The following ABRACL variants were observed in gnomAD, a reference collection of about 807,000 sequenced individuals.
The protein encoded by ABRACL is ABRA C-terminal like, also known as costars family protein ABRACL.
In ABRACL, 4 loss-of-function variants were observed where a neutral mutation model predicts 7.0. The observed-to-expected ratio is 0.57, with a 90% CI of 0.28 to 1.30. ABRACL has a LOEUF of 1.30. ABRACL is among the 50% of genes most tolerant of loss of function. ABRACL has a pLI of 0.10. For synonymous variants in ABRACL, 30 were observed against 36.0 expected, an observed-to-expected ratio of 0.83 and a Z score of 0.60; for missense variants, 104 against 97.3, an observed-to-expected ratio of 1.07 and a Z score of -0.29.
At chr6:139,035,719 G>T (rs1786145001) in intron 2 of ABRACL, among the ~76,000 whole-genome samples, 1 of 150,760 alleles carries the variant, frequency 6.6e-6, no homozygotes, top group African/African-American at 2.4e-5. Flanking sequence ...CTGACCTCAG[G>T]TGATCCACCT....
chr6:139,029,351 G>A (rs1006561606), intron 1 of ABRACL, among the ~76,000 whole-genome samples: 5 of 152,132 alleles, frequency 3.3e-5, no homozygotes, highest in Admixed American at 2.0e-4. Context: ...AGGGGGTGCA[G>A]AGTCGTGAGG....
chr6:139,039,100 T>C (rs1047386628), intron 2 of ABRACL, among the ~76,000 whole-genome samples: 1 of 151,974 alleles, frequency 6.6e-6, no homozygotes, highest in African/African-American at 2.4e-5. Context: ...GGCGGGTGCC[T>C]GTAATCCCAG....
chr6:139,036,734 A>C (rs1786162857), intron 2 of ABRACL, among the ~76,000 whole-genome samples: 1 of 152,204 alleles, frequency 6.6e-6, no homozygotes, highest in Non-Finnish European at 1.5e-5. Context: ...CTGTAATCCT[A>C]GCACATCAGG....
Position 139,034,179 on chromosome 6 carries a change from G to C in ABRACL, c.19G>C (p.Val7Leu). 6.2e-7 allele frequency: 1 copy of C among 1,614,236 alleles called. No homozygotes were observed. MNVDHE[V>L]NLLVEEIHRL... ...GGCAGCAATGAATGTGGATCACGAG[G>C]TTAACCTCTTAGTGGAGGAAATTCA... The change falls in exon 2 of 3, where the codon GTT becomes CTT. Residue 7 changes from valine to leucine, a missense_variant. Transcript: ENST00000367660.
chr6:139,041,322 T>C (rs1786239987), intron 2 of ABRACL, among the ~76,000 whole-genome samples: 1 of 150,966 alleles, frequency 6.6e-6, no homozygotes, highest in African/African-American at 2.4e-5. Context: ...TAGAGTGCAC[T>C]AGCACGATCA....
chr6:139,035,188 C>T (rs1435735628), intron 2 of ABRACL, among the ~76,000 whole-genome samples: 1 of 152,164 alleles, frequency 6.6e-6, no homozygotes, highest in Non-Finnish European at 1.5e-5. Flanking sequence ...TATCAAATGT[C>T]CCCTGCAGTG....
At chr6:139,034,068 C>T in intron 1 of ABRACL, 87 bp from the exon 2 acceptor site, 1 of 1,544,974 alleles carries the variant, frequency 6.5e-7, no homozygotes, top group Non-Finnish European at 8.9e-7. Flanking sequence ...ACAGACGCGA[C>T]CTGAACAAGA....
At chr6:139,029,163 T>A (rs903534834) in intron 1 of ABRACL, among the ~76,000 whole-genome samples, 1 of 152,012 alleles carries the variant, frequency 6.6e-6, no homozygotes, top group Admixed American at 6.5e-5. Flanking sequence ...ATGGAACGAT[T>A]TTTACCGCGG....
At chr6:139,033,034 T>G (rs144955839) in intron 1 of ABRACL, among the ~76,000 whole-genome samples, 2 of 152,320 alleles carry the variant, frequency 1.3e-5, no homozygotes, top group Non-Finnish European at 2.9e-5. Flanking sequence ...AGGGAGGTGC[T>G]CCTCCTCCAC....
At chr6:139,033,423 C>T (rs1326990750) in intron 1 of ABRACL, among the ~76,000 whole-genome samples, 1 of 152,230 alleles carries the variant, frequency 6.6e-6, no homozygotes, top group East Asian at 1.9e-4. Flanking sequence ...ACTGGATTGA[C>T]CGGATGGTAT....
intron 2 of ABRACL, among the ~76,000 whole-genome samples, chr6:139,041,451 C>A (rs6905259): frequency 0.11 from 12,326 of 109,550 alleles, 853 homozygotes; most frequent in African/African-American, 0.2. Flanking sequence ...CTCTCTCTCT[C>A]TATATATATA....
At position 139,042,711 on chromosome 6, in the gene ABRACL, C is replaced by G. The variant is rs775507498; in HGVS notation, c.62-8C>G. On this transcript the variant is annotated splice_polypyrimidine_tract_variant and splice_region_variant and intron_variant, in intron 2 of 2. Coordinates refer to ENST00000367660, the MANE Select transcript of ABRACL (RefSeq NM_021243.3). ...TGCATTTGCTAACAATGTATTTTCT[C>G]AAACTAGATGCTGATGGAAAGTTAA... is the stretch of plus-strand genomic sequence containing the variant. 2.5e-6 allele frequency: 4 copies of G among 1,605,144 alleles called. No individual in the cohort carries two copies. The East Asian group carries it at 9.0e-5, about 36-fold the overall frequency.
intron 1 of ABRACL, among the ~76,000 whole-genome samples, chr6:139,029,145 C>A (rs896276210): frequency 1.3e-5 from 2 of 152,108 alleles, no homozygotes; most frequent in Admixed American, 6.5e-5. Context: ...ACTGGGAAGC[C>A]GGCAGAAATG....
chr6:139,039,304 A>G (rs1050657200), intron 2 of ABRACL, among the ~76,000 whole-genome samples: 5 of 152,200 alleles, frequency 3.3e-5, no homozygotes, highest in African/African-American at 1.2e-4. Context: ...CAGTTTAATT[A>G]TAATATAAAA....
chr6:139,040,234 G>A (rs1432201835), intron 2 of ABRACL, among the ~76,000 whole-genome samples: 1 of 152,174 alleles, frequency 6.6e-6, no homozygotes, highest in African/African-American at 2.4e-5. Flanking sequence ...AAGGAGGCTG[G>A]TACAGAGTTC....
intron 1 of ABRACL, among the ~76,000 whole-genome samples, chr6:139,033,260 C>T (rs866509587): frequency 1.3e-5 from 2 of 152,204 alleles, no homozygotes; most frequent in East Asian, 1.9e-4. Flanking sequence ...GGACCCAGCT[C>T]GTGGAGGACT....
At chr6:139,035,489 CTT>C (rs11427534) in intron 2 of ABRACL, among the ~76,000 whole-genome samples, 1 of 149,338 alleles carries the variant, frequency 6.7e-6, no homozygotes, top group Non-Finnish European at 1.5e-5. Flanking sequence ...ACTTTTAATT[CTT>C]TTTTTTTTCG....
At chr6:139,036,429 T>G (rs1341315670) in intron 2 of ABRACL, among the ~76,000 whole-genome samples, 1 of 152,150 alleles carries the variant, frequency 6.6e-6, no homozygotes, top group African/African-American at 2.4e-5. Flanking sequence ...CTTCCTACTA[T>G]TCCCTCTTTT....
chr6:139,031,902 TG>T lies in ABRACL; in HGVS notation c.-6-2250del, dbSNP rs539063165. 5.9e-5 allele frequency among the ~76,000 whole-genome samples: 9 copies of T among 151,700 alleles called. No individual in the cohort carries two copies. The South Asian group carries it at 1.9e-3, about 32-fold the overall frequency. Reference sequence around the variant, plus strand: ...AGACTGCTGGTGCCAGAATGGGAAATGGGTGCTGGGCAGACAAAACAACAGT... The same window carrying T: ...AGACTGCTGGTGCCAGAATGGGAAATGGTGCTGGGCAGACAAAACAACAGT... On this transcript the variant is annotated intron_variant, in intron 1 of 2. Coordinates refer to ENST00000367660, the MANE Select transcript of ABRACL (RefSeq NM_021243.3).
Sources: allele counts gnomAD v4.1 joint callset (sites outside exome capture counted in the v4.1 genomes callset), GRCh38; gene constraint gnomAD v4.1.1; transcripts MANE v1.5; gene names NCBI Gene and HGNC (gene_info 2026-07-23, HGNC 2026-07-21).